The following GPM6A variants were observed in gnomAD, a reference collection of about 807,000 sequenced individuals.
GPM6A encodes neuronal membrane glycoprotein M6-a.
A neutral mutation model predicts 32.1 loss-of-function variants in GPM6A; 7 were observed. The observed-to-expected ratio is 0.22, with a 90% CI of 0.12 to 0.41. The LOEUF (loss-of-function observed/expected upper bound fraction) is 0.41, where lower values mean the gene tolerates loss of function less well. Ranked by LOEUF, GPM6A falls within the 10% of genes least tolerant of loss-of-function variation. The probability of loss-of-function intolerance (pLI) is 1.00; values close to 1 mark genes in which losing one functional copy is unlikely to be tolerated. For missense variants in GPM6A, 235 were observed against 347.2 expected (o/e 0.68, Z 2.57); for synonymous variants, 130 against 123.4 (o/e 1.05, Z -0.35).
At chr4:175,678,956 T>C (rs753638318) in intron 2 of GPM6A, among the ~76,000 whole-genome samples, 5 of 152,204 alleles carry the variant, frequency 3.3e-5, no homozygotes, top group Non-Finnish European at 5.9e-5. Context: ...CTCTGGATGA[T>C]ATATCTGAAC....
intron 1 of GPM6A, among the ~76,000 whole-genome samples, chr4:175,963,463 C>T (rs1740231722): frequency 6.6e-6 from 1 of 152,010 alleles, no homozygotes; most frequent in South Asian, 2.1e-4. Flanking sequence ...TGATATCAGA[C>T]TTCTCTCTAC....
intron 1 of GPM6A, among the ~76,000 whole-genome samples, chr4:175,831,945 T>C (rs11732430): frequency 0.97 from 146,849 of 151,892 alleles, 71,193 homozygotes; most frequent in East Asian, 1. Context: ...TCTTGAACTC[T>C]TGACCTCAGG....
chr4:175,816,432 A>G (rs1735101762), upstream of GPM6A, among the ~76,000 whole-genome samples: 1 of 152,200 alleles, frequency 6.6e-6, no homozygotes, highest in Non-Finnish European at 1.5e-5. Context: ...ATTATTATAT[A>G]CAATAAGTAA....
intron 1 of GPM6A, among the ~76,000 whole-genome samples, chr4:175,990,700 CACA>C (rs1365072962): frequency 6.6e-6 from 1 of 151,234 alleles, no homozygotes; most frequent in Non-Finnish European, 1.5e-5. Context: ...AAAATTCTCC[CACA>C]ACAATGATCT....
At chr4:175,874,252 C>T (rs914405265) in intron 1 of GPM6A, among the ~76,000 whole-genome samples, 3 of 152,122 alleles carry the variant, frequency 2.0e-5, no homozygotes, top group South Asian at 2.1e-4. Flanking sequence ...TTGATGAGCA[C>T]CCACATGTAA....
At chr4:175,691,781 A>G (rs1471721381) in intron 2 of GPM6A, among the ~76,000 whole-genome samples, 1 of 152,160 alleles carries the variant, frequency 6.6e-6, no homozygotes, top group Non-Finnish European at 1.5e-5. Flanking sequence ...TAAATTAATG[A>G]TATTGAGGTG....
chr4:175,857,745 A>T (rs1326634361), intron 1 of GPM6A, among the ~76,000 whole-genome samples: 1 of 152,116 alleles, frequency 6.6e-6, no homozygotes, highest in Admixed American at 6.5e-5. Flanking sequence ...AAAAAGAAAA[A>T]AAAAGCTAAA....
chr4:175,777,806 AC>A (rs1733453257), intron 1 of GPM6A, among the ~76,000 whole-genome samples: 1 of 152,190 alleles, frequency 6.6e-6, no homozygotes. Flanking sequence ...GGTTATGAAG[AC>A]CATAGGAATT....
At chr4:175,889,886 A>C (rs1737586344) in intron 1 of GPM6A, among the ~76,000 whole-genome samples, 1 of 152,146 alleles carries the variant, frequency 6.6e-6, no homozygotes, top group African/African-American at 2.4e-5. Flanking sequence ...AGAGGCCATG[A>C]AAAAAGGAAA....
chr4:175,741,095 G>A (rs866452200), intron 1 of GPM6A, among the ~76,000 whole-genome samples: 1 of 151,924 alleles, frequency 6.6e-6, no homozygotes, highest in African/African-American at 2.4e-5. Context: ...GTTCTCCAAC[G>A]TATTCACAGG....
At chr4:175,879,801 T>C (rs932795207) in intron 1 of GPM6A, among the ~76,000 whole-genome samples, 7 of 152,088 alleles carry the variant, frequency 4.6e-5, no homozygotes, top group Non-Finnish European at 8.8e-5. Flanking sequence ...TATTATTTGG[T>C]TAGAAAAGAA....
chr4:175,914,693 G>A (rs1021437361), intron 1 of GPM6A, among the ~76,000 whole-genome samples: 2 of 152,188 alleles, frequency 1.3e-5, no homozygotes, highest in African/African-American at 4.8e-5. Flanking sequence ...CATTTGTCTT[G>A]TCTAGTGCCA....
At chr4:175,716,935 A>T (rs1745871779) in intron 1 of GPM6A, among the ~76,000 whole-genome samples, 1 of 152,170 alleles carries the variant, frequency 6.6e-6, no homozygotes, top group Non-Finnish European at 1.5e-5. Context: ...ATTTGTCTAT[A>T]TTTTATCTTA....
At chr4:175,712,824 T>C (rs1745631467) in intron 1 of GPM6A, among the ~76,000 whole-genome samples, 1 of 152,236 alleles carries the variant, frequency 6.6e-6, no homozygotes, top group Admixed American at 6.5e-5. Flanking sequence ...GATCAAAAAA[T>C]ATGGTCTCTA....
chr4:175,911,497 A>C (rs1331200708), intron 1 of GPM6A, among the ~76,000 whole-genome samples: 1 of 152,170 alleles, frequency 6.6e-6, no homozygotes, highest in African/African-American at 2.4e-5. Flanking sequence ...GTTTAATAGG[A>C]GTATTGGCAT....
chr4:175,838,607 T>G (rs921400739), intron 1 of GPM6A, among the ~76,000 whole-genome samples: 1 of 150,396 alleles, frequency 6.6e-6, no homozygotes, highest in Non-Finnish European at 1.5e-5. Flanking sequence ...TAGGAAAACT[T>G]TATGTGAACA....
chr4:175,835,948 G>T (rs1735756072), intron 1 of GPM6A, among the ~76,000 whole-genome samples: 1 of 151,262 alleles, frequency 6.6e-6, no homozygotes, highest in African/African-American at 2.4e-5. Context: ...GTTTTTTGTA[G>T]GTCTGGCCTG....
chr4:175,916,745 T>G (rs1477624436), intron 1 of GPM6A, among the ~76,000 whole-genome samples: 2 of 152,150 alleles, frequency 1.3e-5, no homozygotes, highest in East Asian at 3.9e-4. Flanking sequence ...TCACATAGTT[T>G]CAAGCTTTAC....
At chr4:175,673,623 C>G (rs577616070) in intron 3 of GPM6A, 57 bp downstream of exon 3, 1 of 1,255,730 alleles carries the variant, frequency 8.0e-7, no homozygotes, top group East Asian at 2.4e-5. Context: ...AATGCAAACA[C>G]CTGTGTGCTA....
Sources: allele counts gnomAD v4.1 joint callset (sites outside exome capture counted in the v4.1 genomes callset), GRCh38; gene constraint gnomAD v4.1.1; transcripts MANE v1.5; gene names NCBI Gene and HGNC (gene_info 2026-07-23, HGNC 2026-07-21).